RAD51B: variants seen among roughly 807,000 people sequenced by gnomAD.
RAD51B encodes the protein RAD51 paralog B, also known as DNA repair protein RAD51 homolog 2.
Under a neutral mutation model 42.2 loss-of-function variants are expected in RAD51B, and 38 were observed. The ratio of observed to expected loss-of-function variants is 0.90; its 90% confidence interval spans 0.70 to 1.18. The LOEUF (loss-of-function observed/expected upper bound fraction) is 1.18, where lower values mean the gene tolerates loss of function less well. Among genes scored for constraint, RAD51B ranks in the 50% most tolerant of loss-of-function variants. RAD51B has a pLI of 0.00. For synonymous variants in RAD51B, 154 were observed against 145.2 expected (o/e 1.06, Z -0.43); for missense variants, 373 against 400.7 (o/e 0.93, Z 0.59).
At chr14:68,392,394 C>T (rs1394974095) in intron 8 of RAD51B, among the ~76,000 whole-genome samples, 1 of 152,108 alleles carries the variant, frequency 6.6e-6, no homozygotes, top group Non-Finnish European at 1.5e-5. Flanking sequence ...TGTTGTTTGC[C>T]AATTCTTCCT....
intron 7 of RAD51B, among the ~76,000 whole-genome samples, chr14:67,902,517 A>G (rs74628737): frequency 6.6e-6 from 1 of 152,288 alleles, no homozygotes; most frequent in Non-Finnish European, 1.5e-5. Context: ...AATGTTTTTT[A>G]ACTAGTGTTA....
intron 10 of RAD51B, among the ~76,000 whole-genome samples, chr14:68,648,110 C>CATATATAT (rs1892614251): frequency 7.3e-5 from 1 of 13,732 alleles, no homozygotes; most frequent in Non-Finnish European, 1.7e-4. Context: ...TATATACACA[C>CATATATAT]ACGTATATAT....
rs537936427 is a variant in RAD51B at position 68,055,204 on chromosome 14, T to C, written c.756+168000T>C. ...AAAATGAAGGCATTGGTCTAGGTGA[T>C]CTGTAATGTGCTTTCCATCCTTAAT... On this transcript the variant is annotated intron_variant, in intron 7 of 10. Coordinates refer to ENST00000471583, the MANE Select transcript of RAD51B (RefSeq NM_133510.4). Among the ~76,000 whole-genome samples, 351 of 152,346 alleles carry C rather than the reference T, an allele frequency of 2.3e-3. 1 individual carries two copies. The highest frequency in any genetic ancestry group is 8.2e-3 in the African/African-American group (340 of 41,590).
chr14:68,353,353 C>T (rs17105461), intron 8 of RAD51B, among the ~76,000 whole-genome samples: 11,977 of 152,168 alleles, frequency 0.079, 537 homozygotes, highest in African/African-American at 0.12. Context: ...TGCATTTTAG[C>T]GAGAGGATAT....
At chr14:67,959,255 T>G (rs1251563364) in intron 7 of RAD51B, among the ~76,000 whole-genome samples, 1 of 152,146 alleles carries the variant, frequency 6.6e-6, no homozygotes, top group Non-Finnish European at 1.5e-5. Context: ...GTCAATATTT[T>G]TTTTTTTTTG....
intron 8 of RAD51B, among the ~76,000 whole-genome samples, chr14:68,330,963 A>G (rs1173743378): frequency 2.0e-5 from 3 of 152,312 alleles, no homozygotes; most frequent in East Asian, 1.9e-4. Flanking sequence ...TAATTGGCAT[A>G]ATTTTGGATC....
chr14:68,149,918 T>C (rs2078340585), intron 7 of RAD51B: 1 of 152,170 alleles, frequency 6.6e-6, no homozygotes, highest in South Asian at 2.1e-4. Context: ...CAGATTACTG[T>C]AGCTTTATAG....
rs1369024013 is a variant in RAD51B at position 68,650,648 on chromosome 14, T to G, written c.1037-133T>G. The G allele has an allele frequency of 3.1e-5, 19 of 611,088 alleles. No homozygotes were observed. In the East Asian group the frequency reaches 4.9e-4, roughly 16 times the overall value. The allele number at this position is 611,088 out of a possible 1,614,324, so 37.9% of individuals were successfully genotyped here. On this transcript the variant is annotated intron_variant, in intron 10 of 11. Coordinates refer to the RAD51B transcript ENST00000488612. ...GAGGCCCATACTGTTGTGTTTAAAGTAGCATCTAATTCAAAACAACTAGTT... is the reference window on the plus strand; with the variant it reads ...GAGGCCCATACTGTTGTGTTTAAAGGAGCATCTAATTCAAAACAACTAGTT...
intron 7 of RAD51B, among the ~76,000 whole-genome samples, chr14:68,116,516 C>T (rs1381558066): frequency 6.6e-6 from 1 of 152,026 alleles, no homozygotes; most frequent in Non-Finnish European, 1.5e-5. Flanking sequence ...TTTTTTTCAG[C>T]TTTCATAGGA....
downstream of RAD51B, among the ~76,000 whole-genome samples, chr14:68,614,343 C>T (rs564522849): frequency 6.6e-6 from 1 of 152,290 alleles, no homozygotes; most frequent in South Asian, 2.1e-4. Flanking sequence ...ATACCAAATA[C>T]TTATTTTTTT....
chr14:68,314,759 T>C (rs2082023746), intron 8 of RAD51B, among the ~76,000 whole-genome samples: 1 of 152,206 alleles, frequency 6.6e-6, no homozygotes, highest in Admixed American at 6.5e-5. Flanking sequence ...CAGGCAATGA[T>C]GGTTCAGAGT....
At chr14:67,966,475 A>G (rs1418755940) in intron 7 of RAD51B, among the ~76,000 whole-genome samples, 2 of 152,242 alleles carry the variant, frequency 1.3e-5, no homozygotes, top group Non-Finnish European at 2.9e-5. Context: ...TTGTATTAAC[A>G]TAGTATCTTC....
intron 7 of RAD51B, among the ~76,000 whole-genome samples, chr14:68,021,991 A>G (rs941833928): frequency 1.3e-5 from 2 of 152,180 alleles, no homozygotes; most frequent in African/African-American, 4.8e-5. Flanking sequence ...TAAGACAACA[A>G]TGAAGTTTGT....
chr14:67,875,615 AC>A (rs2042700529), intron 5 of RAD51B, among the ~76,000 whole-genome samples: 1 of 152,226 alleles, frequency 6.6e-6, no homozygotes, highest in Non-Finnish European at 1.5e-5. Context: ...AATAGGCTAT[AC>A]CATATAGCCT....
At chr14:68,235,511 C>T (rs1271513495) in intron 7 of RAD51B, among the ~76,000 whole-genome samples, 4 of 150,822 alleles carry the variant, frequency 2.7e-5, no homozygotes, top group African/African-American at 7.3e-5. Flanking sequence ...GAGACCATCC[C>T]GGCTAAAACG....
intron 7 of RAD51B, among the ~76,000 whole-genome samples, chr14:68,048,408 A>G (rs567647831): frequency 1.3e-5 from 2 of 152,214 alleles, no homozygotes; most frequent in African/African-American, 2.4e-5. Context: ...TCACTCTGAT[A>G]GTAGTTTCTT....
intron 7 of RAD51B, among the ~76,000 whole-genome samples, chr14:68,026,062 T>C (rs948545237): frequency 2.6e-5 from 4 of 152,164 alleles, no homozygotes; most frequent in Non-Finnish European, 2.9e-5. Flanking sequence ...TCTATTTTCA[T>C]TATTATCATT....
At chr14:68,672,329 T>G (rs539986820) in intron 11 of RAD51B, among the ~76,000 whole-genome samples, 6 of 152,310 alleles carry the variant, frequency 3.9e-5, no homozygotes, top group African/African-American at 1.4e-4. Context: ...GTGGAAAACA[T>G]TCTGAGGCCT....
chr14:68,156,163 A>G (rs1222548614), intron 7 of RAD51B, among the ~76,000 whole-genome samples: 1 of 152,048 alleles, frequency 6.6e-6, no homozygotes, highest in Non-Finnish European at 1.5e-5. Context: ...AGAGAATACT[A>G]GTTTTGTTTA....
Sources: gnomAD v4.1 joint callset for allele counts (sites outside exome capture counted in the v4.1 genomes callset) on GRCh38, gnomAD v4.1.1 for gene constraint, MANE v1.5 for transcripts, NCBI Gene and HGNC (gene_info 2026-07-23, HGNC 2026-07-21) for gene names.